The following MBTD1 variants were observed in gnomAD, a reference collection of about 807,000 sequenced individuals.
The protein encoded by MBTD1 is mbt domain containing 1.
MBTD1 carries 24 observed loss-of-function variants against 87.8 expected under a neutral mutation model. That is an observed-to-expected ratio of 0.27 (90% CI 0.20 to 0.38). MBTD1 has a LOEUF of 0.38. Ranked by LOEUF, MBTD1 falls within the 10% of genes least tolerant of loss-of-function variation. The probability of loss-of-function intolerance (pLI) is 1.00; values close to 1 mark genes in which losing one functional copy is unlikely to be tolerated. For missense variants in MBTD1, 436 were observed against 760.2 expected, an observed-to-expected ratio of 0.57 and a Z score of 5.02; for synonymous variants, 237 against 248.6, an observed-to-expected ratio of 0.95 and a Z score of 0.44.
At chr17:51,233,896 T>C (rs994817555) in intron 2 of MBTD1, among the ~76,000 whole-genome samples, 20 of 152,116 alleles carry the variant, frequency 1.3e-4, no homozygotes, top group African/African-American at 4.8e-4. Context: ...GATCAATGTA[T>C]TGCCTTCAGA....
At chr17:51,192,401 G>A (rs1350800787) in intron 15 of MBTD1, 121 bp from the exon 16 acceptor site, 2 of 713,606 alleles carry the variant, frequency 2.8e-6, no homozygotes, top group Non-Finnish European at 4.7e-6. Flanking sequence ...AGTACATGAT[G>A]CTCTGAAAAT....
At chr17:51,252,626 A>T (rs1003676888) in intron 2 of MBTD1, among the ~76,000 whole-genome samples, 1 of 151,838 alleles carries the variant, frequency 6.6e-6, no homozygotes, top group Non-Finnish European at 1.5e-5. Flanking sequence ...TCCAGCTACC[A>T]GGGAGGCTGA....
chr17:51,260,188 G>C (rs949058852), upstream of MBTD1: 2 of 387,868 alleles, frequency 5.2e-6, no homozygotes. Context: ...CCAAGACGAA[G>C]GGTGGAAAGC....
chr17:51,254,338 T>A (rs1277585868), intron 2 of MBTD1, among the ~76,000 whole-genome samples: 1 of 152,200 alleles, frequency 6.6e-6, no homozygotes, highest in Non-Finnish European at 1.5e-5. Flanking sequence ...AAGCTTACTG[T>A]TACGAGGAAC....
intron 12 of MBTD1, among the ~76,000 whole-genome samples, chr17:51,200,175 A>G (rs1198782896): frequency 6.6e-6 from 1 of 152,116 alleles, no homozygotes; most frequent in Non-Finnish European, 1.5e-5. Flanking sequence ...TTGAAATGCA[A>G]ATCACGATTT....
intron 6 of MBTD1, chr17:51,209,198 C>T (rs551857485): frequency 2.9e-6 from 1 of 350,082 alleles, no homozygotes; most frequent in African/African-American, 2.1e-5. Flanking sequence ...GGCTTGACAG[C>T]CATCTTCATC....
At chr17:51,222,145 A>C (rs956421776) in intron 3 of MBTD1, among the ~76,000 whole-genome samples, 16 of 152,246 alleles carry the variant, frequency 1.1e-4, no homozygotes, top group Admixed American at 1.3e-4. Flanking sequence ...GTAGGATGCA[A>C]GTTCCATCAG....
chr17:51,219,134 A>G, intron 4 of MBTD1, 90 bp from the exon 5 acceptor site: 1 of 664,938 alleles, frequency 1.5e-6, no homozygotes, highest in Non-Finnish European at 2.7e-6. Flanking sequence ...ATTCTGCTTA[A>G]GTAAACATTG....
chr17:51,219,059 GT>G lies in MBTD1; in HGVS notation c.289-16del. 7.3e-7 allele frequency: 1 copy of G among 1,370,848 alleles called. No homozygotes were observed. The highest frequency in any genetic ancestry group is 1.0e-6 in the Non-Finnish European group (1 of 982,008). 84.9% of individuals were successfully genotyped at this position (1,370,848 alleles called of 1,614,324 possible). The stretch of plus-strand genomic sequence containing the variant: ...GGAGGCTTACCCTAAAACAAGAAAA[GT>G]TAAGTAAATAGGATTCTTTTTCATC... On this transcript the variant is annotated splice_polypyrimidine_tract_variant and intron_variant, in intron 4 of 16. Coordinates refer to ENST00000586178, the MANE Select transcript of MBTD1 (RefSeq NM_017643.3).
intron 2 of MBTD1, among the ~76,000 whole-genome samples, chr17:51,240,234 C>T (rs1456095849): frequency 6.6e-6 from 1 of 152,116 alleles, no homozygotes; most frequent in African/African-American, 2.4e-5. Context: ...TAACATCTTA[C>T]ATTAGTATTG....
chr17:51,238,360 T>G (rs2053969232), intron 2 of MBTD1, among the ~76,000 whole-genome samples: 1 of 152,202 alleles, frequency 6.6e-6, no homozygotes, highest in Admixed American at 6.5e-5. Context: ...CACTTTTTTC[T>G]CAGGAGATGA....
intron 1 of MBTD1, among the ~76,000 whole-genome samples, chr17:51,259,567 G>A (rs1382751292): frequency 2.0e-5 from 3 of 151,934 alleles, no homozygotes; most frequent in South Asian, 2.1e-4. Flanking sequence ...AGGACGCAGA[G>A]AAAAACTTTC....
chr17:51,260,679 G>A, upstream of MBTD1: 2 of 1,610,726 alleles, frequency 1.2e-6, no homozygotes, highest in Non-Finnish European at 1.7e-6. Flanking sequence ...TGGAAAGCCG[G>A]AGCGGGGCCA....
At chr17:51,207,214 T>C (rs760151885) in intron 6 of MBTD1, among the ~76,000 whole-genome samples, 7 of 152,244 alleles carry the variant, frequency 4.6e-5, no homozygotes, top group Non-Finnish European at 8.8e-5. Flanking sequence ...ACTAGATTCA[T>C]GCTGACTTCA....
Position 51,179,541 on chromosome 17 carries a change from AT to A in MBTD1, c.*1034del, listed in dbSNP as rs1009918878. ...ATATATATATATATATATATATGGA[AT>A]TTTAAGAAAATTAAATTCTCTTTCA... On this transcript the variant is annotated 3_prime_UTR_variant, in exon 17 of 17. Coordinates refer to ENST00000586178, the MANE Select transcript of MBTD1 (RefSeq NM_017643.3). 1.3e-5 allele frequency: 1 copy of A among 77,394 alleles called. No individual in the cohort carries two copies. Among genetic ancestry groups the A allele is most frequent in the African/African-American group, 4.2e-5 (1 of 23,822 alleles). 4.8% of individuals were successfully genotyped at this position (77,394 alleles called of 1,614,324 possible).
chr17:51,234,115 C>T (rs956683130), intron 2 of MBTD1, among the ~76,000 whole-genome samples: 5 of 151,964 alleles, frequency 3.3e-5, no homozygotes, highest in Non-Finnish European at 7.4e-5. Flanking sequence ...CAAGGCCAGG[C>T]GTGATGGCTC....
chr17:51,190,625 G>A (rs1185189296), intron 16 of MBTD1, among the ~76,000 whole-genome samples: 2 of 149,148 alleles, frequency 1.3e-5, no homozygotes, highest in African/African-American at 2.5e-5. Context: ...CAGGGGCTGA[G>A]GTGGGAGAAT....
chr17:51,217,896 C>T (rs1386939467), intron 5 of MBTD1, among the ~76,000 whole-genome samples: 2 of 152,168 alleles, frequency 1.3e-5, no homozygotes, highest in Non-Finnish European at 2.9e-5. Flanking sequence ...CACGCCTGGC[C>T]AGGAGTTTCT....
At chr17:51,187,959 A>G (rs1295064616) in intron 16 of MBTD1, among the ~76,000 whole-genome samples, 1 of 152,228 alleles carries the variant, frequency 6.6e-6, no homozygotes, top group Non-Finnish European at 1.5e-5. Flanking sequence ...TAAGAGCAAT[A>G]AAAAATTATG....
Sources: allele counts gnomAD v4.1 joint callset (sites outside exome capture counted in the v4.1 genomes callset), GRCh38; gene constraint gnomAD v4.1.1; transcripts MANE v1.5; gene names NCBI Gene and HGNC (gene_info 2026-07-23, HGNC 2026-07-21).